Variants in USHBP1 observed in about 807,000 individuals in gnomAD.
USHBP1 encodes the protein harmonin-binding protein USHBP1.
A neutral mutation model predicts 76.2 loss-of-function variants in USHBP1; 67 were observed. The observed-to-expected ratio is 0.88, with a 90% CI of 0.72 to 1.08. The LOEUF (loss-of-function observed/expected upper bound fraction) is 1.08. Ranked by LOEUF, USHBP1 falls within the 50% of genes least tolerant of loss-of-function variation. The pLI, the probability that USHBP1 is intolerant of heterozygous loss-of-function variation, is 0.00. For synonymous variants in USHBP1, 322 were observed against 362.2 expected, an observed-to-expected ratio of 0.89 and a Z score of 1.26; for missense variants, 931 against 915.0, an observed-to-expected ratio of 1.02 and a Z score of -0.23.
At chr19:17,250,629 C>T (rs2073539193) in intron 12 of USHBP1, among the ~76,000 whole-genome samples, 1 of 152,210 alleles carries the variant, frequency 6.6e-6, no homozygotes, top group Non-Finnish European at 1.5e-5. Context: ...CCCCTCACTA[C>T]AACCTCTGCC....
At position 17,256,692 on chromosome 19, in the gene USHBP1, T is replaced by C. The variant is rs1330615982; in HGVS notation, c.1249A>G (p.Thr417Ala). 6.2e-7 allele frequency: 1 copy of C among 1,614,108 alleles called. No individual in the cohort carries two copies. Among genetic ancestry groups the C allele is most frequent in the Non-Finnish European group, 8.5e-7 (1 of 1,180,024 alleles). The change falls in exon 9 of 13, where the codon ACC (threonine) becomes GCC (alanine). Residue 417 changes from threonine (T) to alanine (A), a missense_variant. Transcript: ENST00000252597. ...AGCTGGAAAGCCACTTCCTGTGGGG[T>C]GGGCTTATCCACACTGCTGCCTTCA... ...SPEGSSVDKP[T>A]PQEVAFQLRS...
rs2073530480 is a variant in USHBP1 at position 17,250,090 on chromosome 19, C to A, written c.*135G>T. On this transcript the variant is annotated 3_prime_UTR_variant, in exon 13 of 13. Coordinates refer to ENST00000252597, the MANE Select transcript of USHBP1 (RefSeq NM_031941.4). ...CCACACCCCATCAGGCCCTGGACAC[C>A]CATGTGCACCAGCTTCCCTCACGCC... The A allele has an allele frequency of 4.0e-6, 4 of 1,011,668 alleles. No homozygotes were observed. Among genetic ancestry groups the A allele is most frequent in the Non-Finnish European group, 1.4e-6 (1 of 704,864 alleles). 62.7% of individuals were successfully genotyped at this position (1,011,668 alleles called of 1,614,324 possible).
At chr19:17,259,259 C>G in intron 7 of USHBP1, 30 bp downstream of exon 7, 1 of 1,573,618 alleles carries the variant, frequency 6.4e-7, no homozygotes, top group African/African-American at 1.4e-5. Context: ...CCCTCCCCAG[C>G]TGGTGACATC....
chr19:17,256,386 T>A (rs1262760512), intron 9 of USHBP1, 85 bp downstream of exon 9: 5 of 1,564,346 alleles, frequency 3.2e-6, no homozygotes, highest in Non-Finnish European at 4.3e-6. Context: ...AGCAGAATTC[T>A]CCTTTGCTCC....
intron 10 of USHBP1, among the ~76,000 whole-genome samples, chr19:17,253,073 A>T (rs905219517): frequency 6.6e-6 from 1 of 151,032 alleles, no homozygotes; most frequent in African/African-American, 2.4e-5. Context: ...GGTTCACGCC[A>T]TTCTCCTGCC....
At chr19:17,259,802 C>T in intron 5 of USHBP1, 70 bp from the exon 6 acceptor site, 2 of 1,581,856 alleles carry the variant, frequency 1.3e-6, no homozygotes, top group South Asian at 1.2e-5. Flanking sequence ...CATTTTGCAA[C>T]CCCAAAGCTG....
rs148071549 is a variant in USHBP1, at chr19:17,258,131, G to A, written c.1220+81C>T. 261 of 1,589,876 alleles carry A rather than the reference G, an allele frequency of 1.6e-4. 2 individuals carry two copies. In the African/African-American group the frequency reaches 2.5e-3, roughly 15 times the overall value. ...ACACAGCCACACCAAGCCCCGAAAC[G>A]TGGTGAGCTCTGGGAGCCCCATCCC... On this transcript the variant is annotated intron_variant, in intron 8 of 12. Transcript: ENST00000252597.
chr19:17,262,455 G>T (rs1170745483), intron 4 of USHBP1, 97 bp downstream of exon 4: 2 of 1,409,696 alleles, frequency 1.4e-6, no homozygotes, highest in Non-Finnish European at 1.9e-6. Flanking sequence ...GCCTTAAAAG[G>T]TTTTTTGAAT....
At chr19:17,250,563 T>C in intron 12 of USHBP1, 149 bp from the exon 13 acceptor site, 1 of 948,480 alleles carries the variant, frequency 1.1e-6, no homozygotes, top group East Asian at 2.7e-5. Flanking sequence ...TTGTTGTTGT[T>C]GTTTGAGACA....
In USHBP1 at chr19:17,251,948, C is replaced by G. The variant is rs1235779213; in HGVS notation, c.1762G>C (p.Glu588Gln). Reference sequence around the variant, plus strand: ...GCTGCCAGTTCCTGGGCTAACTTCTCTGGGTCCCAGGCTCTGCCCACCTGG... The same window carrying G: ...GCTGCCAGTTCCTGGGCTAACTTCTGTGGGTCCCAGGCTCTGCCCACCTGG... ...GGQVGRAWDP[E>Q]KLAQELAASL... Residue 588 changes from glutamate (E) to glutamine (Q), a missense_variant, in exon 11 of 13, where the codon GAG (glutamate) becomes CAG (glutamine). By Grantham distance (29) the Glu-to-Gln change is conservative (BLOSUM62 2). Coordinates refer to ENST00000252597, the MANE Select transcript of USHBP1 (RefSeq NM_031941.4). 6.5e-7 allele frequency: 1 copy of G among 1,548,314 alleles called. No homozygotes were observed. The highest frequency in any genetic ancestry group is 8.7e-7 in the Non-Finnish European group (1 of 1,147,136).
At chr19:17,253,380 T>G (rs1460319407) in intron 10 of USHBP1, among the ~76,000 whole-genome samples, 6 of 146,866 alleles carry the variant, frequency 4.1e-5, no homozygotes, top group African/African-American at 1.3e-4. Context: ...CCTCCACCCC[T>G]CCAGGTTTAA....
Position 17,262,966 on chromosome 19 carries a change from G to A in USHBP1, c.228C>T (p.Gly76=). 1 of 1,522,070 alleles carries A rather than the reference G, an allele frequency of 6.6e-7. No individual in the cohort carries two copies. Among genetic ancestry groups the A allele is most frequent in the Non-Finnish European group, 8.8e-7 (1 of 1,135,274 alleles). The allele number at this position is 1,522,070 out of a possible 1,614,324, so 94.3% of individuals were successfully genotyped here. ...GGGCTGAGGCCAGTTCCCTGCCAGAGCCCCCATCCATCTTCTTGTCAGTCC... is the reference window on the plus strand; with the variant it reads ...GGGCTGAGGCCAGTTCCCTGCCAGAACCCCCATCCATCTTCTTGTCAGTCC... ...GSRTDKKMDG[G]SGRELASAPE... is the part of the protein sequence containing the mutation. Residue 76 remains glycine, a synonymous_variant, in exon 4 of 13, where the codon GGC becomes GGT. Coordinates refer to ENST00000252597, the MANE Select transcript of USHBP1 (RefSeq NM_031941.4).
At chr19:17,252,377 G>C (rs1286449030) in intron 10 of USHBP1, among the ~76,000 whole-genome samples, 1 of 151,750 alleles carries the variant, frequency 6.6e-6, no homozygotes, top group Non-Finnish European at 1.5e-5. Context: ...CGTATTTTTA[G>C]TAGAGACGGA....
intron 4 of USHBP1, among the ~76,000 whole-genome samples, chr19:17,261,337 C>CTTTCTTTCTTTCT (rs747378053): frequency 4.0e-5 from 5 of 123,928 alleles, no homozygotes; most frequent in African/African-American, 1.6e-4. Flanking sequence ...TTCTTTCTTT[C>CTTTCTTTCTTTCT]TTTTTTTTTT....
intron 11 of USHBP1, 96 bp from the exon 12 acceptor site, chr19:17,251,800 C>A (rs1034312061): frequency 1.3e-6 from 2 of 1,582,164 alleles, no homozygotes; most frequent in Non-Finnish European, 1.7e-6. Flanking sequence ...GTCATGTAAA[C>A]ACACCTGTAC....
chr19:17,262,663 G>C lies in USHBP1; in HGVS notation c.531C>G (p.Ala177=), dbSNP rs773330014. 22 of 1,613,976 alleles carry C rather than the reference G, an allele frequency of 1.4e-5. No individual in the cohort carries two copies. The highest frequency in any genetic ancestry group is 1.4e-5 in the Non-Finnish European group (16 of 1,180,028). Residue 177 remains alanine, a synonymous_variant, in exon 4 of 13, where the codon GCC becomes GCG. Coordinates refer to ENST00000252597, the MANE Select transcript of USHBP1 (RefSeq NM_031941.4). ...CCAGCCGGAGCCAGGCATTCCTCTC[G>C]GCCAGGCGAGCTGCCTCTCGCTGGC... ...GSCQREAARL[A]ERNAWLRLAL... is the part of the protein sequence containing the mutation.
chr19:17,261,425 T>A (rs539434932), intron 4 of USHBP1, among the ~76,000 whole-genome samples: 1 of 145,542 alleles, frequency 6.9e-6, no homozygotes, highest in African/African-American at 2.6e-5. Flanking sequence ...AAGCTCCGCC[T>A]CCCGGGTTCA....
At chr19:17,253,202 T>G (rs945416104) in intron 10 of USHBP1, among the ~76,000 whole-genome samples, 1 of 151,884 alleles carries the variant, frequency 6.6e-6, no homozygotes, top group Non-Finnish European at 1.5e-5. Flanking sequence ...TCTCCTGACC[T>G]CGTGATCCGC....
Position 17,259,947 on chromosome 19 carries a change from C to G in USHBP1, c.718G>C (p.Gly240Arg). 3 of 1,614,098 alleles carry G rather than the reference C, an allele frequency of 1.9e-6. No homozygotes were observed. Among genetic ancestry groups the G allele is most frequent in the Non-Finnish European group, 2.5e-6 (3 of 1,179,984 alleles). ...GCCTCAGAGCTGCTAGAACCACTGCCTGAGCCACCTGCTTGGTTGTGGGAA... is the reference window on the plus strand; with the variant it reads ...GCCTCAGAGCTGCTAGAACCACTGCGTGAGCCACCTGCTTGGTTGTGGGAA... ...HLSHNQAGGS[G>R]SGSSSSEADR... The change falls in exon 5 of 13, where the codon GGC (glycine) becomes CGC (arginine). Residue 240 changes from glycine (G) to arginine (R), a missense_variant. By Grantham distance (125) the Gly-to-Arg change is moderately radical (BLOSUM62 -2). Coordinates refer to ENST00000252597, the MANE Select transcript of USHBP1 (RefSeq NM_031941.4).
Sources: allele counts gnomAD v4.1 joint callset (sites outside exome capture counted in the v4.1 genomes callset), GRCh38; gene constraint gnomAD v4.1.1; transcripts MANE v1.5; gene names NCBI Gene and HGNC (gene_info 2026-07-23, HGNC 2026-07-21).